TPO: variants seen among roughly 807,000 people sequenced by gnomAD.
TPO encodes the protein thyroid microsomal antigen.
TPO carries 78 observed loss-of-function variants against 96.9 expected under a neutral mutation model. That is an observed-to-expected ratio of 0.81 (90% CI 0.67 to 0.97). The LOEUF is 0.97. Ranked by LOEUF, TPO falls within the 50% of genes least tolerant of loss-of-function variation. The pLI is 0.00. For missense variants in TPO, 1,252 were observed against 1,274.8 expected, an observed-to-expected ratio of 0.98 and a Z score of 0.27; for synonymous variants, 547 against 538.0, an observed-to-expected ratio of 1.02 and a Z score of -0.23.
intron 14 of TPO, among the ~76,000 whole-genome samples, chr2:1,512,184 C>T (rs951696429): frequency 2.6e-5 from 4 of 152,162 alleles, no homozygotes; most frequent in African/African-American, 4.8e-5. Flanking sequence ...CAGGCGCCCG[C>T]CACCACGCCC....
intron 1 of TPO, among the ~76,000 whole-genome samples, chr2:1,404,063 T>C (rs1662212486): frequency 6.6e-6 from 1 of 152,180 alleles, no homozygotes; most frequent in East Asian, 1.9e-4. Context: ...AATGTACCCA[T>C]AGCTATGGAT....
chr2:1,506,758 G>C (rs1429431724), intron 14 of TPO, among the ~76,000 whole-genome samples: 1 of 152,034 alleles, frequency 6.6e-6, no homozygotes, highest in Non-Finnish European at 1.5e-5. Flanking sequence ...AAATTTGTTT[G>C]AGTTCATTGT....
chr2:1,484,488 G>T (rs961179156), intron 8 of TPO, 108 bp from the exon 9 acceptor site: 1 of 1,444,630 alleles, frequency 6.9e-7, no homozygotes, highest in Non-Finnish European at 9.6e-7. Context: ...GACGAGAAGG[G>T]TCCAGTTCCC....
chr2:1,483,806 T>C (rs957117365), intron 8 of TPO, among the ~76,000 whole-genome samples: 1 of 152,174 alleles, frequency 6.6e-6, no homozygotes. Context: ...CTCACGGCTC[T>C]CCCTGGTCTC....
intron 6 of TPO, among the ~76,000 whole-genome samples, chr2:1,454,355 T>G (rs1344177124): frequency 3.3e-5 from 5 of 152,202 alleles, no homozygotes; most frequent in Non-Finnish European, 7.3e-5. Flanking sequence ...GTGATGAAAT[T>G]ATCTAGAAAT....
At chr2:1,480,530 TC>T (rs796323558) in intron 8 of TPO, among the ~76,000 whole-genome samples, 4 of 89,234 alleles carry the variant, frequency 4.5e-5, no homozygotes, top group Admixed American at 2.4e-4. Flanking sequence ...AGAAATAGCA[TC>T]CCCCCCTCTA....
chr2:1,498,588 G>A (rs773817339), intron 13 of TPO, among the ~76,000 whole-genome samples: 2 of 152,176 alleles, frequency 1.3e-5, no homozygotes, highest in African/African-American at 4.8e-5. Flanking sequence ...CTCCCCTGCT[G>A]CATTTTGGGA....
At chr2:1,531,223 C>G (rs1678131276) in intron 15 of TPO, among the ~76,000 whole-genome samples, 1 of 128,130 alleles carries the variant, frequency 7.8e-6, no homozygotes, top group Non-Finnish European at 1.6e-5. Context: ...CCCCAAATCG[C>G]CCCCACTGTG....
intron 1 of TPO, among the ~76,000 whole-genome samples, chr2:1,388,721 C>T (rs539693944): frequency 1.3e-5 from 2 of 152,312 alleles, no homozygotes; most frequent in South Asian, 4.1e-4. Flanking sequence ...CACTGTCCTG[C>T]ACCCACTGTC....
chr2:1,527,602 T>C (rs1363108066), intron 15 of TPO, among the ~76,000 whole-genome samples: 2 of 145,182 alleles, frequency 1.4e-5, no homozygotes, highest in African/African-American at 5.2e-5. Flanking sequence ...CCCACCACTC[T>C]GTGCAACCTC....
intron 7 of TPO, among the ~76,000 whole-genome samples, chr2:1,460,714 C>G (rs13393765): frequency 0.5 from 76,292 of 152,078 alleles, 19,167 homozygotes; most frequent in African/African-American, 0.52. Context: ...AAGCGTAGAC[C>G]TCTGAGAGGG....
chr2:1,505,424 G>T (rs1346486827), intron 14 of TPO, among the ~76,000 whole-genome samples: 6 of 99,498 alleles, frequency 6.0e-5, no homozygotes, highest in Non-Finnish European at 1.1e-4. Flanking sequence ...CCTGTGTCAC[G>T]CACACCCTCC....
chr2:1,501,947 C>T (rs753025790), intron 13 of TPO, among the ~76,000 whole-genome samples: 15 of 152,096 alleles, frequency 9.9e-5, no homozygotes, highest in Non-Finnish European at 1.8e-4. Flanking sequence ...AAGGATGAGT[C>T]TGAACTGCAG....
chr2:1,490,440 A>G (rs967958041), intron 10 of TPO, among the ~76,000 whole-genome samples: 8 of 139,888 alleles, frequency 5.7e-5, no homozygotes, highest in East Asian at 2.3e-4. Flanking sequence ...AGGGGGAGTC[A>G]CGACACAGCA....
At chr2:1,433,666 C>T (rs1055462373) in intron 4 of TPO, 59 bp downstream of exon 4, 1 of 1,578,752 alleles carries the variant, frequency 6.3e-7, no homozygotes, top group Non-Finnish European at 8.6e-7. Context: ...GACACCTTGA[C>T]TTTGTGCAGG....
chr2:1,385,624 C>T (rs527372583), intron 1 of TPO, among the ~76,000 whole-genome samples: 66 of 151,188 alleles, frequency 4.4e-4, no homozygotes, highest in African/African-American at 1.3e-3. Context: ...GTCTTGCTAG[C>T]GGTCTATCAA....
At chr2:1,530,410 A>G (rs1313356325) in intron 15 of TPO, among the ~76,000 whole-genome samples, 2 of 131,080 alleles carry the variant, frequency 1.5e-5, no homozygotes, top group African/African-American at 2.9e-5. Flanking sequence ...CCTAAACTGT[A>G]TTCAACCTCT....
intron 7 of TPO, among the ~76,000 whole-genome samples, chr2:1,467,272 C>T (rs1668990364): frequency 1.3e-5 from 2 of 151,788 alleles, no homozygotes; most frequent in African/African-American, 4.8e-5. Context: ...CCCAGCTAAT[C>T]TTTTGTATTT....
chr2:1,532,228 C>T (rs559743289), intron 15 of TPO, among the ~76,000 whole-genome samples: 2 of 62,852 alleles, frequency 3.2e-5, no homozygotes, highest in African/African-American at 5.8e-5. Flanking sequence ...TCCTCAAATC[C>T]CCCCACTGCC....
Sources: gnomAD v4.1 joint callset for allele counts (sites outside exome capture counted in the v4.1 genomes callset) on GRCh38, gnomAD v4.1.1 for gene constraint, MANE v1.5 for transcripts, NCBI Gene and HGNC (gene_info 2026-07-23, HGNC 2026-07-21) for gene names.